Variants in DPYD observed in about 807,000 individuals in gnomAD.
The protein encoded by DPYD is dihydropyrimidine dehydrogenase, also known as dihydropyrimidine dehydrogenase [NADP(+)].
Under a neutral mutation model 116.2 loss-of-function variants are expected in DPYD, and 109 were observed. The ratio of observed to expected loss-of-function variants is 0.94; its 90% CI spans 0.80 to 1.10. The LOEUF is 1.10. Among genes scored for constraint, DPYD ranks in the 50% least tolerant of loss-of-function variants. The pLI, the probability that DPYD is intolerant of heterozygous loss-of-function variation, is 0.00. For missense variants in DPYD, 1,302 were observed against 1,254.5 expected (o/e 1.04, Z -0.57); for synonymous variants, 440 against 432.0 (o/e 1.02, Z -0.23).
At chr1:97,269,463 G>A (rs763891773) in intron 18 of DPYD, among the ~76,000 whole-genome samples, 4 of 151,872 alleles carry the variant, frequency 2.6e-5, no homozygotes, top group Non-Finnish European at 5.9e-5. Flanking sequence ...TCAGATATTT[G>A]TTATAGCAGC....
chr1:97,212,767 G>T (rs1421432428), intron 19 of DPYD, among the ~76,000 whole-genome samples: 8 of 151,878 alleles, frequency 5.3e-5, no homozygotes, highest in Non-Finnish European at 1.2e-4. Context: ...CATTTTAGTG[G>T]GCAGAAATGT....
intron 3 of DPYD, among the ~76,000 whole-genome samples, chr1:97,792,974 G>A (rs1667393747): frequency 6.6e-6 from 1 of 152,074 alleles, no homozygotes. Context: ...AGAACATTAT[G>A]TAAAAACTGA....
intron 13 of DPYD, among the ~76,000 whole-genome samples, chr1:97,457,219 G>A (rs1393205463): frequency 6.6e-6 from 1 of 152,092 alleles, no homozygotes; most frequent in Non-Finnish European, 1.5e-5. Context: ...TGACCAGACT[G>A]AATGTCTGCT....
chr1:97,466,952 G>T (rs1677359320), intron 13 of DPYD, among the ~76,000 whole-genome samples: 1 of 152,076 alleles, frequency 6.6e-6, no homozygotes, highest in Admixed American at 6.6e-5. Flanking sequence ...GGGGGTGGAG[G>T]GTGGGAGCCC....
chr1:97,498,581 T>C (rs549754859), intron 13 of DPYD, among the ~76,000 whole-genome samples: 42 of 151,674 alleles, frequency 2.8e-4, no homozygotes, highest in African/African-American at 9.6e-4. Context: ...CATAAAATCA[T>C]GATATACAGA....
At chr1:97,642,105 C>A (rs925069795) in intron 8 of DPYD, among the ~76,000 whole-genome samples, 2 of 151,976 alleles carry the variant, frequency 1.3e-5, no homozygotes, top group African/African-American at 4.8e-5. Flanking sequence ...TGAGAGGACA[C>A]AATCAAATGG....
chr1:97,493,956 A>G lies in DPYD; in HGVS notation c.1740+21770T>C, dbSNP rs566679127. Among the ~76,000 whole-genome samples the G allele has an allele frequency of 2.6e-5, 4 of 152,330 alleles. No homozygotes were observed. The East Asian group carries it at 7.7e-4, about 29-fold the overall frequency. On this transcript the variant is annotated intron_variant, in intron 13 of 22. Coordinates refer to ENST00000370192, the MANE Select transcript of DPYD (RefSeq NM_000110.4). The stretch of plus-strand genomic sequence containing the variant: ...TATCTGCTGTGTTCAAGGAACTGAG[A>G]TATGACTGTAGGGACAGACAGAAGA...
chr1:97,201,758 C>T (rs1205018954), intron 19 of DPYD, among the ~76,000 whole-genome samples: 3 of 152,158 alleles, frequency 2.0e-5, no homozygotes, highest in African/African-American at 4.8e-5. Context: ...TAACGGACTA[C>T]GTGAAGAAAT....
intron 18 of DPYD, among the ~76,000 whole-genome samples, chr1:97,245,517 C>T (rs2100789032): frequency 6.6e-6 from 1 of 152,210 alleles, no homozygotes; most frequent in Non-Finnish European, 1.5e-5. Context: ...TAATATTTCT[C>T]ATGTGATTTT....
At chr1:97,571,421 G>A (rs975735089) in intron 11 of DPYD, among the ~76,000 whole-genome samples, 2 of 151,884 alleles carry the variant, frequency 1.3e-5, no homozygotes, top group African/African-American at 4.8e-5. Context: ...TTGGAGGAGA[G>A]CATTTTAAAC....
At chr1:97,817,798 G>A (rs901895886) in intron 3 of DPYD, among the ~76,000 whole-genome samples, 4 of 151,962 alleles carry the variant, frequency 2.6e-5, no homozygotes, top group East Asian at 1.9e-4. Flanking sequence ...ATACACAACA[G>A]CTTGTTAACA....
At chr1:97,145,127 C>A (rs947487546) in intron 20 of DPYD, among the ~76,000 whole-genome samples, 2 of 152,092 alleles carry the variant, frequency 1.3e-5, no homozygotes, top group Non-Finnish European at 2.9e-5. Flanking sequence ...AATATGAAAA[C>A]CTAAATTTAT....
At chr1:97,355,050 C>T (rs1345117322) in intron 16 of DPYD, among the ~76,000 whole-genome samples, 1 of 152,128 alleles carries the variant, frequency 6.6e-6, no homozygotes, top group East Asian at 1.9e-4. Flanking sequence ...AAATCAGTTT[C>T]TAATCACCAT....
At chr1:97,251,034 T>C (rs1395950211) in intron 18 of DPYD, among the ~76,000 whole-genome samples, 1 of 152,176 alleles carries the variant, frequency 6.6e-6, no homozygotes, top group Non-Finnish European at 1.5e-5. Flanking sequence ...AAAAATTCTT[T>C]TGATGGTCAG....
At chr1:97,784,178 A>G (rs1666898882) in intron 3 of DPYD, among the ~76,000 whole-genome samples, 1 of 152,232 alleles carries the variant, frequency 6.6e-6, no homozygotes, top group East Asian at 1.9e-4. Context: ...ACTAAAAAGC[A>G]AAATGGGAGA....
intron 3 of DPYD, among the ~76,000 whole-genome samples, chr1:97,807,301 G>A (rs1402936811): frequency 6.6e-6 from 1 of 152,022 alleles, no homozygotes; most frequent in Non-Finnish European, 1.5e-5. Flanking sequence ...AGTCCCTTTT[G>A]CTCCACATTC....
chr1:97,756,771 G>C (rs1665268417), intron 3 of DPYD, among the ~76,000 whole-genome samples: 1 of 152,128 alleles, frequency 6.6e-6, no homozygotes, highest in Non-Finnish European at 1.5e-5. Context: ...TAAGATGACA[G>C]TACAGTATTG....
intron 4 of DPYD, among the ~76,000 whole-genome samples, chr1:97,738,523 A>G (rs1292828893): frequency 6.6e-6 from 1 of 152,140 alleles, no homozygotes; most frequent in African/African-American, 2.4e-5. Context: ...TTACCCTCTC[A>G]ACCTGGAAAG....
chr1:97,773,570 C>T (rs866687931), intron 3 of DPYD, among the ~76,000 whole-genome samples: 3 of 152,254 alleles, frequency 2.0e-5, no homozygotes, highest in Middle Eastern at 6.8e-3. Flanking sequence ...CCCCGAGACA[C>T]GAGGAGGCAC....
Sources: gnomAD v4.1 joint callset for allele counts (sites outside exome capture counted in the v4.1 genomes callset) on GRCh38, gnomAD v4.1.1 for gene constraint, MANE v1.5 for transcripts, NCBI Gene and HGNC (gene_info 2026-07-23, HGNC 2026-07-21) for gene names.